AHCTF1: variants seen among roughly 807,000 people sequenced by gnomAD.
AHCTF1 encodes the protein protein ELYS.
Under a neutral mutation model 248.4 loss-of-function variants are expected in AHCTF1, and 24 were observed. The ratio of observed to expected loss-of-function variants is 0.10; its 90% CI spans 0.07 to 0.14. The LOEUF (loss-of-function observed/expected upper bound fraction) is 0.14. Ranked by LOEUF, AHCTF1 falls within the 10% of genes least tolerant of loss-of-function variation. The pLI, the probability that AHCTF1 is intolerant of heterozygous loss-of-function variation, is 1.00. For synonymous variants in AHCTF1, 786 were observed against 929.8 expected (o/e 0.85, Z 2.81); for missense variants, 2,206 against 2,636.2 (o/e 0.84, Z 3.57).
intron 29 of AHCTF1, among the ~76,000 whole-genome samples, chr1:246,858,099 A>G (rs1476145725): frequency 6.6e-6 from 1 of 151,744 alleles, no homozygotes; most frequent in Non-Finnish European, 1.5e-5. Flanking sequence ...AGCTGGCACT[A>G]CAGATGCCCG....
intron 27 of AHCTF1, 26 bp downstream of exon 27, chr1:246,863,898 T>A: frequency 6.2e-7 from 1 of 1,607,128 alleles, no homozygotes; most frequent in Non-Finnish European, 8.5e-7. Flanking sequence ...AGTTTGATTG[T>A]GAACGCTAGA....
At chr1:246,923,733 G>A (rs952378937) in intron 1 of AHCTF1, among the ~76,000 whole-genome samples, 16 of 139,698 alleles carry the variant, frequency 1.1e-4, no homozygotes, top group Admixed American at 5.2e-4. Context: ...AAATGTGTGC[G>A]TGCATGCGTG....
In AHCTF1 at chr1:246,907,740, C is replaced by A; in HGVS notation, c.575G>T (p.Gly192Val). 1 of 1,612,304 alleles carries A rather than the reference C, an allele frequency of 6.2e-7. No homozygotes were observed. The highest frequency in any genetic ancestry group is 8.5e-7 in the Non-Finnish European group (1 of 1,179,544). The change falls in exon 5 of 36, where the codon GGT becomes GTT. Residue 192 changes from glycine to valine, a missense_variant. Around this residue, in one of 6 missense-constraint regions of AHCTF1, gnomAD observed 650 missense variants for 870.8 expected, o/e 0.75. Coordinates refer to ENST00000648844, the MANE Select transcript of AHCTF1 (RefSeq NM_001323342.2). ...AATGTGTGGTACTTCAGCTGGGATA[C>A]CAGTTAGAACTTCAAGATCTAAAAC... ...VEASDLEVLTGIPAEVPHIRE... is the reference protein window; with the variant it reads ...VEASDLEVLTVIPAEVPHIRE...
At chr1:246,919,538 C>T (rs1331062506) in intron 1 of AHCTF1, among the ~76,000 whole-genome samples, 1 of 151,842 alleles carries the variant, frequency 6.6e-6, no homozygotes, top group Non-Finnish European at 1.5e-5. Context: ...ATGGTGAAAA[C>T]CCGTCTCTAC....
At chr1:246,867,416 G>T in intron 25 of AHCTF1, 65 bp from the exon 26 acceptor site, 2 of 1,115,812 alleles carry the variant, frequency 1.8e-6, no homozygotes, top group Non-Finnish European at 1.3e-6. Flanking sequence ...TGGATGAGAT[G>T]GGAGAACAGA....
In AHCTF1 at chr1:246,840,231, T is replaced by C. The variant is rs1242491661; in HGVS notation, c.*575A>G. ...ACATTATAGTTAACCAATACTTGGA[T>C]TATTCATTTGAGGTAGATTACACAA... is the stretch of plus-strand genomic sequence containing the variant. On this transcript the variant is annotated 3_prime_UTR_variant, in exon 36 of 36. Transcript: ENST00000648844. 6.6e-6 allele frequency: 1 copy of C among 152,634 alleles called. No individual in the cohort carries two copies. The highest frequency in any genetic ancestry group is 1.5e-5 in the Non-Finnish European group (1 of 68,042). 9.5% of individuals were successfully genotyped at this position (152,634 alleles called of 1,614,324 possible).
chr1:246,928,513 G>A (rs762737502), intron 1 of AHCTF1, among the ~76,000 whole-genome samples: 2 of 152,040 alleles, frequency 1.3e-5, no homozygotes, highest in Non-Finnish European at 1.5e-5. Flanking sequence ...ACAAGAAATA[G>A]GCATGTTAAA....
chr1:246,922,901 T>G (rs1284579121), intron 1 of AHCTF1, among the ~76,000 whole-genome samples: 2 of 142,454 alleles, frequency 1.4e-5, no homozygotes, highest in Non-Finnish European at 3.0e-5. Flanking sequence ...GAGAATGGCA[T>G]GAACCCAGGA....
In AHCTF1 at chr1:246,891,990, T is replaced by C. The variant is rs1377254583; in HGVS notation, c.1805-71A>G. ...AATAAATTAGAATCACAATGCAAAA[T>C]TTCTCAAACTCCTATCACTCAAAAG... is the stretch of plus-strand genomic sequence containing the variant. On this transcript the variant is annotated intron_variant, in intron 14 of 35. Transcript: ENST00000648844. 57 of 1,437,562 alleles carry C rather than the reference T, an allele frequency of 4.0e-5. No individual in the cohort carries two copies. In the Admixed American group the frequency reaches 1.2e-3, roughly 29 times the overall value. 89.1% of individuals were successfully genotyped at this position (1,437,562 alleles called of 1,614,324 possible).
At chr1:246,922,710 C>T (rs1037051172) in intron 1 of AHCTF1, among the ~76,000 whole-genome samples, 14 of 151,244 alleles carry the variant, frequency 9.3e-5, no homozygotes, top group East Asian at 2.0e-4. Context: ...AGGCTGGGCG[C>T]AGTGGCTCAC....
chr1:246,867,826 A>G lies in AHCTF1; in HGVS notation c.3089-15T>C, dbSNP rs1027042095. The G allele has an allele frequency of 1.3e-6, 2 of 1,598,338 alleles. No individual in the cohort carries two copies. The highest frequency in any genetic ancestry group is 1.7e-6 in the Non-Finnish European group (2 of 1,172,358). ...GGGTCTAGAAACTGTAAAATGAAGAACGCTGGAATTAAGTGCATCTCTAAC... is the reference window on the plus strand; with the variant it reads ...GGGTCTAGAAACTGTAAAATGAAGAGCGCTGGAATTAAGTGCATCTCTAAC... On this transcript the variant is annotated splice_polypyrimidine_tract_variant and intron_variant, in intron 24 of 35. Transcript: ENST00000648844.
intron 21 of AHCTF1, among the ~76,000 whole-genome samples, chr1:246,885,064 G>GC (rs1241341778): frequency 6.6e-6 from 1 of 152,018 alleles, no homozygotes; most frequent in Non-Finnish European, 1.5e-5. Context: ...TCAATTTGGC[G>GC]CCCCTCCCTT....
At chr1:246,898,655 CACACACACAG>C (rs1427536951) in intron 11 of AHCTF1, among the ~76,000 whole-genome samples, 2 of 144,250 alleles carry the variant, frequency 1.4e-5, no homozygotes, top group African/African-American at 5.6e-5. Flanking sequence ...CACACACACA[CACACACACAG>C]GAAAACTCCT....
rs182678161 is a variant in AHCTF1, at chr1:246,907,506, A to C, written c.764+45T>G. 1.7e-4 allele frequency: 265 copies of C among 1,558,692 alleles called. 1 individual carries two copies. The East Asian group carries it at 3.0e-3, about 18-fold the overall frequency. On this transcript the variant is annotated intron_variant, in intron 5 of 35. Transcript: ENST00000648844. ...TAGTAAATGAGTACAAGCTATATGC[A>C]AAAAAACTACCTATAATCAAATAAG... is the stretch of plus-strand genomic sequence containing the variant.
At chr1:246,862,775 G>A (rs914260885) in intron 27 of AHCTF1, among the ~76,000 whole-genome samples, 8 of 152,094 alleles carry the variant, frequency 5.3e-5, no homozygotes, top group African/African-American at 1.7e-4. Context: ...GAAAACTACA[G>A]TAAGACTGAC....
intron 29 of AHCTF1, among the ~76,000 whole-genome samples, chr1:246,860,182 C>T (rs1016997811): frequency 2.8e-5 from 1 of 36,184 alleles, no homozygotes; most frequent in Non-Finnish European, 4.2e-5. Flanking sequence ...ACTGCTTGAA[C>T]CTGGTTGGGG....
At chr1:246,883,419 A>G (rs1464616283) in intron 21 of AHCTF1, among the ~76,000 whole-genome samples, 1 of 152,240 alleles carries the variant, frequency 6.6e-6, no homozygotes, top group Admixed American at 6.5e-5. Flanking sequence ...GTTTTCTTGA[A>G]TAAGTCCCTG....
At chr1:246,931,245 G>GAA (rs1253163948) in intron 1 of AHCTF1, 63 of 1,549,770 alleles carry the variant, frequency 4.1e-5, no homozygotes, top group Non-Finnish European at 5.4e-5. Context: ...AGAACAGTGG[G>GAA]AAAGGGTCGC....
chr1:246,871,596 C>A (rs1018592967), intron 24 of AHCTF1, among the ~76,000 whole-genome samples: 1 of 152,176 alleles, frequency 6.6e-6, no homozygotes, highest in Non-Finnish European at 1.5e-5. Context: ...AAGAGGCTAA[C>A]AGCCTACCTC....
Sources: gnomAD v4.1 joint callset for allele counts (sites outside exome capture counted in the v4.1 genomes callset) on GRCh38, gnomAD v4.1.1 for gene constraint, gnomAD v4.1.1 regional missense constraint, MANE v1.5 for transcripts, NCBI Gene and HGNC (gene_info 2026-07-23, HGNC 2026-07-21) for gene names.